The following NPHS1 variants were observed in gnomAD, a reference collection of about 807,000 sequenced individuals.
NPHS1 encodes the protein NPHS1 adhesion molecule, nephrin.
In NPHS1, 107 loss-of-function variants were observed where a neutral mutation model predicts 139.7. That is an observed-to-expected ratio of 0.77 (90% CI 0.66 to 0.90). The LOEUF (loss-of-function observed/expected upper bound fraction) is 0.90. NPHS1 is among the 40% of genes least tolerant of loss of function. NPHS1 has a pLI of 0.00. For synonymous variants in NPHS1, 707 were observed against 706.6 expected, an observed-to-expected ratio of 1.00 and a Z score of -0.01; for missense variants, 1,580 against 1,654.2, an observed-to-expected ratio of 0.96 and a Z score of 0.78.
At chr19:35,827,944 A>T (rs1041377687) in intron 28 of NPHS1, among the ~76,000 whole-genome samples, 38 of 152,310 alleles carry the variant, frequency 2.5e-4, no homozygotes, top group Admixed American at 9.2e-4. Context: ...TAAAATTTTT[A>T]AAAATGAAAA....
chr19:35,848,617 G>A lies in NPHS1; in HGVS notation c.1170+20C>T. On this transcript the variant is annotated intron_variant, in intron 9 of 28. Transcript: ENST00000378910. ...CAGCCCCCTCCATGCTCAGACCCAGGAGCCTGGCCCCCGCCTCACATCCAT... is the reference window on the plus strand; with the variant it reads ...CAGCCCCCTCCATGCTCAGACCCAGAAGCCTGGCCCCCGCCTCACATCCAT... The A allele has an allele frequency of 6.2e-7, 1 of 1,612,498 alleles. No homozygotes were observed. Among genetic ancestry groups the A allele is most frequent in the Middle Eastern group, 1.9e-4 (1 of 5,152 alleles).
At chr19:35,829,030 C>T (rs1468384374) in intron 28 of NPHS1, among the ~76,000 whole-genome samples, 1 of 152,226 alleles carries the variant, frequency 6.6e-6, no homozygotes, top group Non-Finnish European at 1.5e-5. Context: ...CCTAACTGTG[C>T]AGCAATGGGT....
chr19:35,839,751 A>T (rs1210198590), intron 20 of NPHS1, 144 bp from the exon 21 acceptor site: 2 of 721,950 alleles, frequency 2.8e-6, no homozygotes, highest in African/African-American at 1.7e-5. Flanking sequence ...GGTCATGGTG[A>T]ACACTGCTCT....
In NPHS1 at chr19:35,845,657, T is replaced by A; in HGVS notation, c.1757+12A>T. 1 of 1,612,784 alleles carries A rather than the reference T, an allele frequency of 6.2e-7. No individual in the cohort carries two copies. The highest frequency in any genetic ancestry group is 8.5e-7 in the Non-Finnish European group (1 of 1,179,374). On this transcript the variant is annotated intron_variant, in intron 13 of 28. Coordinates refer to ENST00000378910, the MANE Select transcript of NPHS1 (RefSeq NM_004646.4). The surrounding 1 kb of genome is among the most constrained non-coding windows in gnomAD (Gnocchi z 5.5). ...CCAGACCAGAGAGGGGAGGGATCCC[T>A]CGCACTCCCACCTCTCCCCTTCCTT...
Position 35,845,567 on chromosome 19 carries a change from T to G in NPHS1, c.1758-27A>C. On this transcript the variant is annotated intron_variant, in intron 13 of 28. Coordinates refer to ENST00000378910, the MANE Select transcript of NPHS1 (RefSeq NM_004646.4). This position sits in a 1 kb window ranked among gnomAD's most constrained non-coding sequence, Gnocchi z 5.5. ...TGTGGAACCGGGGTCAAGCCAGGGC[T>G]GCGAGCGGAGCCAGAGGCTGGAGAG... 1 of 1,607,434 alleles carries G rather than the reference T, an allele frequency of 6.2e-7. No individual in the cohort carries two copies. The highest frequency in any genetic ancestry group is 8.5e-7 in the Non-Finnish European group (1 of 1,177,362).
intron 28 of NPHS1, among the ~76,000 whole-genome samples, chr19:35,828,385 C>T (rs1280347882): frequency 1.3e-5 from 2 of 152,128 alleles, no homozygotes; most frequent in Non-Finnish European, 2.9e-5. Flanking sequence ...CCTGCCTAGC[C>T]TCCCGAGTAG....
chr19:35,845,467 G>A lies in NPHS1; in HGVS notation c.1831C>T (p.Gln611Ter). ...TGGCCATGATCGCGGGATGACACTTGCAGAAGGACGCTCCTGGCGGCGGCG... is the reference window on the plus strand; with the variant it reads ...TGGCCATGATCGCGGGATGACACTTACAGAAGGACGCTCCTGGCGGCGGCG... ...GSAAARSVLL[Q>*]VSSRDHGQRV... The change falls in exon 14 of 29, where the codon CAA becomes TAA. Residue 611 changes from glutamine to a stop codon, truncating the protein, a stop_gained. Transcript: ENST00000378910. LOFTEE classifies it high-confidence loss of function. This position sits in a 1 kb window ranked among gnomAD's most constrained non-coding sequence, Gnocchi z 5.5. 1 of 1,614,136 alleles carries A rather than the reference G, an allele frequency of 6.2e-7. No individual in the cohort carries two copies. The highest frequency in any genetic ancestry group is 8.5e-7 in the Non-Finnish European group (1 of 1,180,010).
chr19:35,845,710 G>T lies in NPHS1; in HGVS notation c.1716C>A (p.Ser572Arg). 6.2e-7 allele frequency: 1 copy of T among 1,614,048 alleles called. No homozygotes were observed. Among genetic ancestry groups the T allele is most frequent in the South Asian group, 1.1e-5 (1 of 91,052 alleles). The change falls in exon 13 of 29, where the codon AGC becomes AGA. Residue 572 changes from serine (S) to arginine (R), a missense_variant. Physicochemically the swap from Ser to Arg is moderately radical, Grantham distance 110. Transcript: ENST00000378910. The surrounding 1 kb of genome is among the most constrained non-coding windows in gnomAD (Gnocchi z 5.5). ...ALNLTCVSVS[S>R]NPPVNLSWDK... is the part of the protein sequence containing the mutation. ...CCCAGGACAAGTTGACCGGCGGATTGCTGCTGACGCTGACGCATGTCAAGT... is the reference window on the plus strand; with the variant it reads ...CCCAGGACAAGTTGACCGGCGGATTTCTGCTGACGCTGACGCATGTCAAGT...
At chr19:35,842,868 A>G (rs1485983788) in intron 17 of NPHS1, among the ~76,000 whole-genome samples, 2 of 151,486 alleles carry the variant, frequency 1.3e-5, no homozygotes, top group Non-Finnish European at 2.9e-5. Flanking sequence ...CGGTTCACTC[A>G]CTCATTCCTC....
rs1158030782 is a variant in NPHS1, at chr19:35,851,863, A to C, written c.-26T>G. ...CACAGGTCCCCCTACTGTGACCCCCACAGCGCCCGCTGCCAGCCACCTGCG... is the reference window on the plus strand; with the variant it reads ...CACAGGTCCCCCTACTGTGACCCCCCCAGCGCCCGCTGCCAGCCACCTGCG... On this transcript the variant is annotated 5_prime_UTR_variant, in exon 1 of 29. Transcript: ENST00000378910. 6.5e-7 allele frequency: 1 copy of C among 1,548,390 alleles called. No homozygotes were observed. The highest frequency in any genetic ancestry group is 8.7e-7 in the Non-Finnish European group (1 of 1,145,264).
rs559329254 is a variant in NPHS1 at position 35,844,008 on chromosome 19, C to G, written c.2212+95G>C. 3.3e-5 allele frequency: 51 copies of G among 1,524,554 alleles called. No homozygotes were observed. The African/African-American group carries it at 6.3e-4, about 19-fold the overall frequency. The allele number at this position is 1,524,554 out of a possible 1,614,324, so 94.4% of individuals were successfully genotyped here. ...AACGGGAGGGTTCCAGGATGGGTGGCTATCCCTGGGTGGGCGGAGCTCCCA... is the reference window on the plus strand; with the variant it reads ...AACGGGAGGGTTCCAGGATGGGTGGGTATCCCTGGGTGGGCGGAGCTCCCA... On this transcript the variant is annotated intron_variant, in intron 16 of 28. Coordinates refer to ENST00000378910, the MANE Select transcript of NPHS1 (RefSeq NM_004646.4).
intron 16 of NPHS1, chr19:35,843,798 G>A: frequency 1.5e-6 from 1 of 667,582 alleles, no homozygotes. Context: ...GTGATAATTA[G>A]AGTGAGTTGA....
chr19:35,846,975 A>G (rs1213421148), intron 11 of NPHS1, among the ~76,000 whole-genome samples: 1 of 152,188 alleles, frequency 6.6e-6, no homozygotes, highest in Non-Finnish European at 1.5e-5. Flanking sequence ...AAATCCCAAG[A>G]GTTCAGTTTA....
Sources: allele counts gnomAD v4.1 joint callset (sites outside exome capture counted in the v4.1 genomes callset), GRCh38; gene constraint gnomAD v4.1.1; non-coding constraint Gnocchi (gnomAD v3.1); transcripts MANE v1.5; gene names NCBI Gene and HGNC (gene_info 2026-07-23, HGNC 2026-07-21).